The following ARHGAP39 variants were observed in gnomAD, a reference collection of about 807,000 sequenced individuals.
The protein encoded by ARHGAP39 is Rho GTPase activating protein 39, also known as rho GTPase-activating protein 39.
ARHGAP39 carries 44 observed loss-of-function variants against 106.9 expected under a neutral mutation model. The ratio of observed to expected loss-of-function variants is 0.41; its 90% CI spans 0.32 to 0.53. ARHGAP39 has a LOEUF of 0.53. Among genes scored for constraint, ARHGAP39 ranks in the 20% least tolerant of loss-of-function variants. The pLI is 0.21. For synonymous variants in ARHGAP39, 768 were observed against 693.2 expected, an observed-to-expected ratio of 1.11 and a Z score of -1.69; for missense variants, 1,496 against 1,577.3, an observed-to-expected ratio of 0.95 and a Z score of 0.87.
intron 2 of ARHGAP39, among the ~76,000 whole-genome samples, chr8:144,596,085 A>C (rs956768264): frequency 1.3e-5 from 2 of 152,108 alleles, no homozygotes; most frequent in Admixed American, 6.5e-5. Context: ...CATGACACAC[A>C]AAGGAGACAG....
chr8:144,607,827 T>C (rs950154331), intron 1 of ARHGAP39, among the ~76,000 whole-genome samples: 1 of 152,220 alleles, frequency 6.6e-6, no homozygotes, highest in Non-Finnish European at 1.5e-5. Flanking sequence ...AAGTATTTAT[T>C]TTAATGCTTG....
At chr8:144,694,347 C>T in the ARHGAP39 span, among the ~76,000 whole-genome samples, 1 of 152,138 alleles carries the variant, frequency 6.6e-6, no homozygotes, top group Non-Finnish European at 1.5e-5. Context: ...TGAACGTTCA[C>T]TGTTTCCATT....
rs1016378460 is a variant in ARHGAP39, at chr8:144,530,305, G to A, written c.*117C>T. On this transcript the variant is annotated 3_prime_UTR_variant, in exon 12 of 12. Coordinates refer to ENST00000377307, the MANE Select transcript of ARHGAP39 (RefSeq NM_025251.3). The stretch of plus-strand genomic sequence containing the variant: ...GCGCCGGGGCCAGGGGCCTGGGGGA[G>A]TGGAGGGGGCTCCAGGGCTGGGCCG... 2 of 1,162,044 alleles carry A rather than the reference G, an allele frequency of 1.7e-6. No individual in the cohort carries two copies. Among genetic ancestry groups the A allele is most frequent in the African/African-American group, 1.5e-5 (1 of 65,086 alleles). The allele number at this position is 1,162,044 out of a possible 1,614,324, so 72.0% of individuals were successfully genotyped here. A position where few individuals can be genotyped will look rare whatever the true frequency, so the allele number is the denominator to read the frequency against.
intron 3 of ARHGAP39, among the ~76,000 whole-genome samples, chr8:144,561,628 C>A (rs749582003): frequency 1.8e-5 from 1 of 57,096 alleles, no homozygotes; most frequent in Admixed American, 1.4e-4. Flanking sequence ...TCCATCGGAC[C>A]CCAGTGGTTT....
intron 7 of ARHGAP39, 37 bp from the exon 8 acceptor site, chr8:144,534,239 T>G (rs748054560): frequency 7.5e-6 from 12 of 1,606,632 alleles, no homozygotes; most frequent in Non-Finnish European, 1.0e-5. Context: ...CTGATGTGGG[T>G]GTGTGGGTGT....
At chr8:144,558,174 C>T (rs1468815102) in intron 3 of ARHGAP39, among the ~76,000 whole-genome samples, 1 of 152,142 alleles carries the variant, frequency 6.6e-6, no homozygotes, top group Admixed American at 6.5e-5. Context: ...CTTGTTGAGA[C>T]ATATAAAAGA....
chr8:144,658,276 ATT>A (rs748953919), intron 1 of ARHGAP39, among the ~76,000 whole-genome samples: 4 of 139,732 alleles, frequency 2.9e-5, no homozygotes, highest in African/African-American at 2.6e-5. Flanking sequence ...CACCCGGCTA[ATT>A]TTTTTTTTTT....
At chr8:144,567,636 C>T (rs1818446820) in intron 3 of ARHGAP39, among the ~76,000 whole-genome samples, 1 of 152,220 alleles carries the variant, frequency 6.6e-6, no homozygotes, top group African/African-American at 2.4e-5. Context: ...GTTCCTAGTC[C>T]ACCTTCATGT....
Position 144,530,300 on chromosome 8 carries a change from G to C in ARHGAP39, c.*122C>G. On this transcript the variant is annotated 3_prime_UTR_variant, in exon 12 of 12. Transcript: ENST00000377307. Reference sequence around the variant, plus strand: ...GGGGAGCGCCGGGGCCAGGGGCCTGGGGGAGTGGAGGGGGCTCCAGGGCTG... The same window carrying C: ...GGGGAGCGCCGGGGCCAGGGGCCTGCGGGAGTGGAGGGGGCTCCAGGGCTG... 1 of 1,089,480 alleles carries C rather than the reference G, an allele frequency of 9.2e-7. No homozygotes were observed. 67.5% of individuals were successfully genotyped at this position (1,089,480 alleles called of 1,614,324 possible). A position where few individuals can be genotyped will look rare whatever the true frequency, so the allele number is the denominator to read the frequency against.
chr8:144,545,914 A>T (rs996256436), intron 5 of ARHGAP39, 104 bp from the exon 6 acceptor site: 1 of 1,037,248 alleles, frequency 9.6e-7, no homozygotes, highest in Non-Finnish European at 1.4e-6. Flanking sequence ...GCCCCACCAG[A>T]GCCAGCCAGG....
rs779114975 is a variant in ARHGAP39, at chr8:144,530,416, C to T, written c.*6G>A. The T allele has an allele frequency of 1.9e-6, 3 of 1,589,080 alleles. No individual in the cohort carries two copies. The highest frequency in any genetic ancestry group is 2.7e-5 in the African/African-American group (2 of 74,342). On this transcript the variant is annotated 3_prime_UTR_variant, in exon 12 of 12. Coordinates refer to ENST00000377307, the MANE Select transcript of ARHGAP39 (RefSeq NM_025251.3). Reference sequence around the variant, plus strand: ...AGGACATCCCTCCTGTCCCCGGGCGCCCCCGCTACAGCACACCCTCCATGA... The same window carrying T: ...AGGACATCCCTCCTGTCCCCGGGCGTCCCCGCTACAGCACACCCTCCATGA...
At chr8:144,691,888 C>T in the ARHGAP39 span, among the ~76,000 whole-genome samples, 1 of 151,974 alleles carries the variant, frequency 6.6e-6, no homozygotes, top group African/African-American at 2.4e-5. Context: ...AAGAAGCCGG[C>T]ATTGACTACG....
In ARHGAP39 at chr8:144,580,304, G is replaced by A. The variant is rs117885795; in HGVS notation, c.512+542C>T. On this transcript the variant is annotated intron_variant, in intron 3 of 11. Transcript: ENST00000377307. ...GTCCCCCTAGGTCCACACACCCCAC[G>A]CCCGCACGCAAATCCCCACATCTGC... is the stretch of plus-strand genomic sequence containing the variant. Among the ~76,000 whole-genome samples, 174 of 152,022 alleles carry A rather than the reference G, an allele frequency of 1.1e-3. 4 individuals carry two copies. The East Asian group carries it at 0.027, about 24-fold the overall frequency.
chr8:144,532,742 G>A (rs1816780032), intron 9 of ARHGAP39, among the ~76,000 whole-genome samples: 1 of 152,196 alleles, frequency 6.6e-6, no homozygotes, highest in Non-Finnish European at 1.5e-5. Flanking sequence ...GGTACCCCTT[G>A]CCCTGACAGG....
chr8:144,623,310 A>G (rs1400538081), intron 1 of ARHGAP39, among the ~76,000 whole-genome samples: 1 of 152,260 alleles, frequency 6.6e-6, no homozygotes, highest in African/African-American at 2.4e-5. Flanking sequence ...GTACAAGGAA[A>G]GATGGTGGAA....
intron 1 of ARHGAP39, among the ~76,000 whole-genome samples, chr8:144,620,584 T>A (rs898825962): frequency 6.6e-6 from 1 of 152,220 alleles, no homozygotes; most frequent in East Asian, 1.9e-4. Context: ...TGAGAGCATG[T>A]GTGCCCACGT....
intron 7 of ARHGAP39, among the ~76,000 whole-genome samples, chr8:144,534,672 G>T (rs1218896822): frequency 6.6e-6 from 1 of 152,212 alleles, no homozygotes; most frequent in East Asian, 1.9e-4. Flanking sequence ...GGCAGGCACT[G>T]AGCTATCTGC....
intron 6 of ARHGAP39, among the ~76,000 whole-genome samples, chr8:144,544,638 C>G (rs930283980): frequency 3.3e-5 from 5 of 152,260 alleles, no homozygotes; most frequent in African/African-American, 1.2e-4. Context: ...GAAGCATCGT[C>G]TTGGAGAGCC....
intron 2 of ARHGAP39, among the ~76,000 whole-genome samples, chr8:144,587,846 T>C (rs1819239711): frequency 2.6e-5 from 4 of 151,388 alleles, no homozygotes; most frequent in Admixed American, 1.3e-4. Flanking sequence ...AGAGATGGGG[T>C]TTCACCACAT....
Sources: gnomAD v4.1 joint callset for allele counts (sites outside exome capture counted in the v4.1 genomes callset) on GRCh38, gnomAD v4.1.1 for gene constraint, MANE v1.5 for transcripts, NCBI Gene and HGNC (gene_info 2026-07-23, HGNC 2026-07-21) for gene names.